LINC00632: variants seen among roughly 807,000 people sequenced by gnomAD.
LINC00632 encodes ALDOA related specific transcript.
chrX:140,767,189 C>T (rs1221223454), intron 3 of LINC00632, among the ~76,000 whole-genome samples: 1 of 111,139 alleles, frequency 9.0e-6, no homozygotes, highest in Non-Finnish European at 1.9e-5. Context: ...TTGGGCTTTC[C>T]TGCTTAATAA....
chrX:140,777,544 A>G (rs949383359), exon 5 of LINC00632, among the ~76,000 whole-genome samples: 1 of 112,389 alleles, frequency 8.9e-6, no homozygotes, highest in Non-Finnish European at 1.9e-5. Flanking sequence ...CTGCACAAAG[A>G]CCTGCTGAAT....
intron 3 of LINC00632, among the ~76,000 whole-genome samples, chrX:140,765,782 G>A (rs1189546871): frequency 8.9e-6 from 1 of 111,745 alleles, no homozygotes; most frequent in Non-Finnish European, 1.9e-5. Context: ...ATTGTTTGCT[G>A]CTATTACCGT....
chrX:140,773,729 A>G (rs747534584), exon 4 of LINC00632, among the ~76,000 whole-genome samples: 1 of 112,004 alleles, frequency 8.9e-6, no homozygotes, highest in African/African-American at 3.2e-5. Flanking sequence ...GCAGTCATAA[A>G]TGCTGCTCCT....
intron 3 of LINC00632, among the ~76,000 whole-genome samples, chrX:140,739,824 T>A (rs940534470): frequency 3.7e-5 from 4 of 109,453 alleles, no homozygotes; most frequent in African/African-American, 1.3e-4. Flanking sequence ...GAAGTGTGAT[T>A]AAAAAAAAAT....
At chrX:140,754,236 T>G (rs112570933) in intron 3 of LINC00632, among the ~76,000 whole-genome samples, 4,751 of 111,447 alleles carry the variant, frequency 0.043, 237 homozygotes, top group African/African-American at 0.15. Flanking sequence ...TGAAAAATAA[T>G]GATCCCTTCC....
chrX:140,722,514 C>T (rs1930746730), intron 2 of LINC00632, among the ~76,000 whole-genome samples: 1 of 111,045 alleles, frequency 9.0e-6, no homozygotes, highest in South Asian at 3.8e-4. Flanking sequence ...TGCGAAGACT[C>T]GCCTCATAGC....
chrX:140,789,600 C>T (rs1025960947), exon 5 of LINC00632, among the ~76,000 whole-genome samples: 8 of 111,837 alleles, frequency 7.2e-5, no homozygotes, highest in Admixed American at 2.9e-4. Context: ...AGCTAAATTG[C>T]CCTCCTGGCA....
exon 5 of LINC00632, chrX:140,783,195 T>C: frequency 5.4e-6 from 1 of 185,429 alleles, no homozygotes. Context: ...GGCACCTGTG[T>C]CAAGGTCTTC....
At chrX:140,767,451 C>A (rs1483399832) in intron 3 of LINC00632, among the ~76,000 whole-genome samples, 4 of 111,462 alleles carry the variant, frequency 3.6e-5, no homozygotes, top group Admixed American at 2.9e-4. Flanking sequence ...TTGTTTAGCT[C>A]TAGAGCTGCT....
chrX:140,742,875 G>GAA (rs1569351798), intron 3 of LINC00632, among the ~76,000 whole-genome samples: 10 of 94,190 alleles, frequency 1.1e-4, no homozygotes, highest in African/African-American at 4.3e-4. Flanking sequence ...GAGAGAGAGA[G>GAA]AGAGGAAGGA....
At chrX:140,776,820 T>C (rs1037952352) in exon 5 of LINC00632, among the ~76,000 whole-genome samples, 14 of 111,467 alleles carry the variant, frequency 1.3e-4, no homozygotes, top group Non-Finnish European at 2.3e-4. Flanking sequence ...TAGATTATTC[T>C]ATTATAAAGA....
exon 5 of LINC00632, chrX:140,783,589 A>C (rs1262093995): frequency 2.1e-5 from 25 of 1,198,211 alleles, no homozygotes; most frequent in African/African-American, 3.5e-5. Flanking sequence ...TAGATCTTCC[A>C]GTCAATCAGT....
chrX:140,771,384 GA>G (rs199801610), intron 3 of LINC00632, among the ~76,000 whole-genome samples: 1,477 of 106,713 alleles, frequency 0.014, 22 homozygotes, highest in African/African-American at 0.049. Context: ...AAATCAGTAA[GA>G]AAAAAATATA....
chrX:140,726,505 C>T (rs188215105), intron 2 of LINC00632, among the ~76,000 whole-genome samples: 82 of 112,006 alleles, frequency 7.3e-4, no homozygotes, highest in Middle Eastern at 4.6e-3. Flanking sequence ...CAGCACAACA[C>T]GTAGATTTGC....
exon 5 of LINC00632, among the ~76,000 whole-genome samples, chrX:140,786,035 AG>A (rs1246269637): frequency 2.9e-4 from 32 of 111,676 alleles, no homozygotes; most frequent in Admixed American, 2.5e-3. Context: ...AGCTCCCACC[AG>A]GTGCCTTCAG....
intron 3 of LINC00632, among the ~76,000 whole-genome samples, chrX:140,743,919 G>A (rs1402722535): frequency 2.7e-5 from 3 of 111,439 alleles, no homozygotes; most frequent in East Asian, 2.8e-4. Flanking sequence ...TTTCTTGTAC[G>A]TGCAGAAAGA....
At chrX:140,717,266 C>T (rs981371469) in intron 2 of LINC00632, among the ~76,000 whole-genome samples, 4 of 110,690 alleles carry the variant, frequency 3.6e-5, no homozygotes, top group Non-Finnish European at 3.8e-5. Context: ...CAGGCGTGAG[C>T]GACCGCCCCT....
exon 5 of LINC00632, among the ~76,000 whole-genome samples, chrX:140,788,784 T>C (rs1201467518): frequency 9.4e-6 from 1 of 106,330 alleles, no homozygotes; most frequent in Admixed American, 1.0e-4. Context: ...TGTGTATATA[T>C]GTATATTCCA....
chrX:140,723,966 CCATTCCATACACACACA>C (rs1727581992), intron 2 of LINC00632, among the ~76,000 whole-genome samples: 1 of 13,699 alleles, frequency 7.3e-5, no homozygotes, highest in Non-Finnish European at 1.9e-4. Context: ...GCACAGTTAC[CCATTCCATACACACACA>C]CATTCCATAC....
Sources: gnomAD v4.1 joint callset for allele counts (sites outside exome capture counted in the v4.1 genomes callset) on GRCh38, gnomAD v4.1.1 for gene constraint, MANE v1.5 for transcripts, NCBI Gene and HGNC (gene_info 2026-07-23, HGNC 2026-07-21) for gene names.